Variants in NOSTRIN observed in about 807,000 individuals in gnomAD.
NOSTRIN encodes the protein BM247 homolog.
Under a neutral mutation model 59.0 loss-of-function variants are expected in NOSTRIN, and 63 were observed. The ratio of observed to expected loss-of-function variants is 1.07; its 90% confidence interval spans 0.87 to 1.32. The LOEUF is 1.32. Ranked by LOEUF, NOSTRIN falls within the 40% of genes most tolerant of loss-of-function variation. NOSTRIN has a pLI of 0.00. For missense variants in NOSTRIN, 512 were observed against 473.1 expected, an observed-to-expected ratio of 1.08 and a Z score of -0.76; for synonymous variants, 200 against 165.4, an observed-to-expected ratio of 1.21 and a Z score of -1.61.
At chr2:168,819,555 G>A (rs1455901277) in intron 2 of NOSTRIN, among the ~76,000 whole-genome samples, 1 of 152,200 alleles carries the variant, frequency 6.6e-6, no homozygotes, top group South Asian at 2.1e-4. Context: ...AGAGGCCTGG[G>A]AGAGGTTTCG....
intron 2 of NOSTRIN, among the ~76,000 whole-genome samples, chr2:168,818,910 T>C (rs1686567672): frequency 6.6e-6 from 1 of 152,180 alleles, no homozygotes; most frequent in South Asian, 2.1e-4. Context: ...GTCCAGAATC[T>C]TTAAAACCAC....
chr2:168,858,011 A>G (rs1170557580), intron 12 of NOSTRIN, among the ~76,000 whole-genome samples: 1 of 152,240 alleles, frequency 6.6e-6, no homozygotes, highest in Non-Finnish European at 1.5e-5. Context: ...CATACCTGCA[A>G]TGACCCGTGG....
At chr2:168,841,387 A>C (rs1688100183) in intron 7 of NOSTRIN, among the ~76,000 whole-genome samples, 1 of 151,938 alleles carries the variant, frequency 6.6e-6, no homozygotes, top group Non-Finnish European at 1.5e-5. Context: ...TTTGAGAGTC[A>C]GTTTCAGCTA....
At chr2:168,844,104 C>A (rs987475771) in intron 8 of NOSTRIN, among the ~76,000 whole-genome samples, 3 of 152,174 alleles carry the variant, frequency 2.0e-5, no homozygotes, top group Admixed American at 1.3e-4. Flanking sequence ...CTTACACAAT[C>A]TGTGTAAATC....
At chr2:168,801,398 AT>A (rs1349369211), upstream of NOSTRIN, among the ~76,000 whole-genome samples, 2 of 151,336 alleles carry the variant, frequency 1.3e-5, no homozygotes, top group Non-Finnish European at 1.5e-5. Flanking sequence ...AAAAAAAAAA[AT>A]TATAGAGATA....
chr2:168,841,734 TG>T (rs1341752644), intron 7 of NOSTRIN, among the ~76,000 whole-genome samples: 2 of 152,182 alleles, frequency 1.3e-5, no homozygotes, highest in Non-Finnish European at 2.9e-5. Context: ...TGAAAATCAC[TG>T]ACAAGAGACA....
chr2:168,820,393 C>T (rs1351720113), intron 2 of NOSTRIN, among the ~76,000 whole-genome samples: 1 of 152,068 alleles, frequency 6.6e-6, no homozygotes, highest in Admixed American at 6.5e-5. Context: ...GTTGTAAGTG[C>T]CCAGTAAGTG....
intron 14 of NOSTRIN, among the ~76,000 whole-genome samples, chr2:168,861,179 C>A (rs1362354482): frequency 6.6e-6 from 1 of 152,130 alleles, no homozygotes; most frequent in African/African-American, 2.4e-5. Context: ...CTGTTATTTG[C>A]CATAAACATA....
At chr2:168,848,281 C>T (rs549430396) in intron 8 of NOSTRIN, among the ~76,000 whole-genome samples, 2 of 152,240 alleles carry the variant, frequency 1.3e-5, no homozygotes, top group African/African-American at 2.4e-5. Context: ...GAAGGGCAGA[C>T]GGCCACATTC....
rs200809988 is a variant in NOSTRIN at position 168,855,607 on chromosome 2, A to AC, written c.964+147_964+148insC. 8.3e-3 allele frequency: 2,313 copies of AC among 277,712 alleles called. 53 individuals are homozygous for AC. Among genetic ancestry groups the AC allele is most frequent in the African/African-American group, 0.05 (1,995 of 40,034 alleles). 17.2% of individuals were successfully genotyped at this position (277,712 alleles called of 1,614,324 possible). On this transcript the variant is annotated intron_variant, in intron 11 of 15. Coordinates refer to ENST00000317647, the MANE Select transcript of NOSTRIN (RefSeq NM_001039724.4). ...ATATCAAACTTCAGTTGTGTGAACA[A>AC]AAAAAAAAAAAGTAGAAGAAAAAAG...
At chr2:168,837,300 CTTTTTTTTTTTTTT>C (rs761309524) in intron 7 of NOSTRIN, among the ~76,000 whole-genome samples, 2 of 62,162 alleles carry the variant, frequency 3.2e-5, no homozygotes, top group African/African-American at 5.9e-5. Flanking sequence ...TTTTTAACAT[CTTTTTTTTTTTTTT>C]TTTTTTTTTT....
At chr2:168,859,820 C>T (rs1223195131) in intron 13 of NOSTRIN, among the ~76,000 whole-genome samples, 183 bp downstream of exon 13, 1 of 152,062 alleles carries the variant, frequency 6.6e-6, no homozygotes, top group Non-Finnish European at 1.5e-5. Flanking sequence ...TAGACAAAAC[C>T]GAATACATTC....
Position 168,789,201 on chromosome 2 carries a change from C to T in NOSTRIN, c.-473+1153C>T, listed in dbSNP as rs114431721. On this transcript the variant is annotated intron_variant, in intron 2 of 20. Transcript: ENST00000458381. ...GGGAAAATGTTATGAGGACATAGAA[C>T]CAACTAAAATCTAGGATATTTTGTG... Among the ~76,000 whole-genome samples, 1,263 of 152,270 alleles carry T rather than the reference C, an allele frequency of 8.3e-3. 17 individuals carry two copies. The highest frequency in any genetic ancestry group is 0.029 in the African/African-American group (1,185 of 41,546).
chr2:168,807,269 T>C (rs1685903734), intron 1 of NOSTRIN, among the ~76,000 whole-genome samples: 3 of 151,454 alleles, frequency 2.0e-5, no homozygotes, highest in African/African-American at 7.3e-5. Context: ...CACACATACA[T>C]ACACACACAC....
upstream of NOSTRIN, among the ~76,000 whole-genome samples, chr2:168,794,631 G>C (rs1336608079): frequency 1.3e-5 from 2 of 152,224 alleles, no homozygotes; most frequent in Admixed American, 6.5e-5. Context: ...GCTTACAGGC[G>C]TGAGCTACCA....
intron 13 of NOSTRIN, 38 bp from the exon 14 acceptor site, chr2:168,860,757 C>A: frequency 8.3e-7 from 1 of 1,206,148 alleles, no homozygotes; most frequent in Non-Finnish European, 1.2e-6. Context: ...TTATGATAAT[C>A]GTGTTACAAA....
upstream of NOSTRIN, among the ~76,000 whole-genome samples, chr2:168,795,241 A>G (rs1444186791): frequency 6.6e-6 from 1 of 152,236 alleles, no homozygotes; most frequent in African/African-American, 2.4e-5. Context: ...GGAGACTAAA[A>G]CGACTCTATA....
chr2:168,791,139 C>CT (rs1256981577), intron 2 of NOSTRIN, among the ~76,000 whole-genome samples: 1 of 152,174 alleles, frequency 6.6e-6, no homozygotes, highest in Non-Finnish European at 1.5e-5. Flanking sequence ...CTATCCCTCC[C>CT]TGCTTTCCCC....
At position 168,828,443 on chromosome 2, in the gene NOSTRIN, T is replaced by A. The variant is rs1687175008; in HGVS notation, c.284T>A (p.Leu95Ter). ...LHQKLGKAIE[L>*]EAIKPTYQVL... is the part of the protein sequence containing the mutation. ...AGAAAACTTGGCAAAGCAATTGAAT[T>A]GGAAGCAATAAAACCGACTTATCAA... is the stretch of plus-strand genomic sequence containing the variant. Residue 95 changes from leucine to a stop codon, truncating the protein, a stop_gained, in exon 5 of 16, where the codon TTG becomes TAG. Coordinates refer to ENST00000317647, the MANE Select transcript of NOSTRIN (RefSeq NM_001039724.4). LOFTEE classifies it high-confidence loss of function. The A allele has an allele frequency of 1.1e-6, 1 of 872,276 alleles. No homozygotes were observed. Among genetic ancestry groups the A allele is most frequent in the Non-Finnish European group, 2.0e-6 (1 of 501,574 alleles). The allele number at this position is 872,276 out of a possible 1,614,324, so 54.0% of individuals were successfully genotyped here.
Sources: allele counts gnomAD v4.1 joint callset (sites outside exome capture counted in the v4.1 genomes callset), GRCh38; gene constraint gnomAD v4.1.1; transcripts MANE v1.5; gene names NCBI Gene and HGNC (gene_info 2026-07-23, HGNC 2026-07-21).